Variants in C8orf89 observed in about 807,000 individuals in gnomAD.
C8orf89 encodes chromosome 8 open reading frame 89.
In C8orf89, 14 loss-of-function variants were observed where a neutral mutation model predicts 15.8. That is an observed-to-expected ratio of 0.89 (90% CI 0.59 to 1.39). The LOEUF is 1.39. Among genes scored for constraint, C8orf89 ranks in the 40% most tolerant of loss-of-function variants. The probability of loss-of-function intolerance (pLI) is 0.00; values close to 1 mark genes in which losing one functional copy is unlikely to be tolerated. For synonymous variants in C8orf89, 55 were observed against 62.2 expected, an observed-to-expected ratio of 0.88 and a Z score of 0.54; for missense variants, 181 against 184.5, an observed-to-expected ratio of 0.98 and a Z score of 0.11.
the C8orf89 span, among the ~76,000 whole-genome samples, chr8:73,269,480 A>G: frequency 7.2e-5 from 11 of 152,250 alleles, no homozygotes; most frequent in African/African-American, 2.7e-4. Context: ...AAAACTTTGA[A>G]CATTCATTAT....
In C8orf89 at chr8:73,250,289, G is replaced by T. The variant is rs1563531021; in HGVS notation, c.316C>A (p.Pro106Thr). 2 of 1,533,420 alleles carry T rather than the reference G, an allele frequency of 1.3e-6. No homozygotes were observed. Among genetic ancestry groups the T allele is most frequent in the Non-Finnish European group, 1.7e-6 (2 of 1,145,014 alleles). The allele number at this position is 1,533,420 out of a possible 1,614,324, so 95.0% of individuals were successfully genotyped here. A position where few individuals can be genotyped will look rare whatever the true frequency, so the allele number is the denominator to read the frequency against. ...KKTKETCSVA[P>T]LWEKSKGSGF... ...TTACCTTTTGATTTCTCCCAAAGTG[G>T]TGCCACACTGCATGTCTCCTTAGTC... is the stretch of plus-strand genomic sequence containing the variant. Residue 106 changes from proline to threonine, a missense_variant, in exon 3 of 4, where the codon CCA becomes ACA. Pro to Thr is a conservative substitution (Grantham distance 38). Transcript: ENST00000624510.
At chr8:73,277,604 T>C in the C8orf89 span, 2 of 762,228 alleles carry the variant, frequency 2.6e-6, no homozygotes, top group Non-Finnish European at 2.4e-6. Context: ...ATAAACATCA[T>C]CTTCTGCCTT....
intron 2 of C8orf89, 29 bp from the exon 3 acceptor site, chr8:73,250,352 C>G (rs1813221307): frequency 7.5e-7 from 1 of 1,337,540 alleles, no homozygotes; most frequent in Admixed American, 2.0e-5. Context: ...CATAAAATTA[C>G]TTACATATAA....
chr8:73,260,721 T>C (rs1813509664), upstream of C8orf89, among the ~76,000 whole-genome samples: 1 of 152,026 alleles, frequency 6.6e-6, no homozygotes, highest in South Asian at 2.1e-4. Context: ...AGGATATGGC[T>C]CCCAGCAGAG....
the C8orf89 span, among the ~76,000 whole-genome samples, chr8:73,276,805 A>ATTTTTTTTTTTTTT: frequency 1.1e-5 from 1 of 87,640 alleles, no homozygotes; most frequent in African/African-American, 4.2e-5. Context: ...CACAGCAGTC[A>ATTTTTTTTTTTTTT]TTTTTTTTTT....
intron 1 of C8orf89, among the ~76,000 whole-genome samples, chr8:73,257,340 G>GAA (rs1347497644): frequency 6.6e-6 from 1 of 152,226 alleles, no homozygotes; most frequent in African/African-American, 2.4e-5. Context: ...ATTAAGAGTG[G>GAA]AATAAGGAAA....
chr8:73,253,034 T>G (rs1044257765), intron 2 of C8orf89, among the ~76,000 whole-genome samples: 4 of 152,088 alleles, frequency 2.6e-5, no homozygotes, highest in African/African-American at 7.2e-5. Flanking sequence ...TCCCAGCTAC[T>G]CCAGAGGCTG....
intron 2 of C8orf89, 121 bp downstream of exon 2, chr8:73,256,852 T>TAA (rs34481187): frequency 5.4e-3 from 2,468 of 458,566 alleles, no homozygotes; most frequent in Non-Finnish European, 6.3e-3. Context: ...ATCCTTTATG[T>TAA]AAAAAAAAAA....
At chr8:73,244,479 A>G (rs1036217220) in intron 3 of C8orf89, among the ~76,000 whole-genome samples, 1 of 152,244 alleles carries the variant, frequency 6.6e-6, no homozygotes, top group African/African-American at 2.4e-5. Flanking sequence ...ACCTCTCTAT[A>G]TACAATATAC....
chr8:73,258,080 G>A (rs1454099101), intron 1 of C8orf89, among the ~76,000 whole-genome samples: 2 of 152,168 alleles, frequency 1.3e-5, no homozygotes, highest in African/African-American at 4.8e-5. Flanking sequence ...CAAAGCCAAA[G>A]AGGGATAAAT....
At chr8:73,270,251 T>G in the C8orf89 span, among the ~76,000 whole-genome samples, 1 of 152,184 alleles carries the variant, frequency 6.6e-6, no homozygotes, top group Non-Finnish European at 1.5e-5. Context: ...CATCTAAAAA[T>G]AAGCAAGGAG....
At chr8:73,280,716 T>C in the C8orf89 span, among the ~76,000 whole-genome samples, 11 of 149,538 alleles carry the variant, frequency 7.4e-5, no homozygotes, top group African/African-American at 2.2e-4. Context: ...CATATATATA[T>C]ACACATATAT....
chr8:73,258,256 CA>C (rs1813445874), intron 1 of C8orf89, among the ~76,000 whole-genome samples: 1 of 151,752 alleles, frequency 6.6e-6, no homozygotes, highest in Non-Finnish European at 1.5e-5. Flanking sequence ...CTAAAAATAA[CA>C]AAAATCTGCT....
intron 2 of C8orf89, among the ~76,000 whole-genome samples, chr8:73,252,870 G>A (rs575496548): frequency 6.6e-6 from 1 of 152,246 alleles, no homozygotes; most frequent in Admixed American, 6.5e-5. Flanking sequence ...GGCCGGGCAC[G>A]GTGGCTCACG....
At chr8:73,284,179 T>C in the C8orf89 span, among the ~76,000 whole-genome samples, 2 of 150,168 alleles carry the variant, frequency 1.3e-5, no homozygotes, top group East Asian at 3.9e-4. Context: ...CAGACCTAAG[T>C]AAACTGATAT....
chr8:73,283,223 G>A, the C8orf89 span, among the ~76,000 whole-genome samples: 187 of 152,332 alleles, frequency 1.2e-3, 1 homozygote, highest in African/African-American at 4.2e-3. Flanking sequence ...ATCATAGGAA[G>A]CATTGGACCA....
intron 2 of C8orf89, among the ~76,000 whole-genome samples, chr8:73,252,005 C>A (rs1018722726): frequency 6.6e-6 from 1 of 152,162 alleles, no homozygotes; most frequent in African/African-American, 2.4e-5. Flanking sequence ...AACGGTCCCT[C>A]TTTTTTCTGC....
chr8:73,256,601 G>T (rs921963734), intron 2 of C8orf89, among the ~76,000 whole-genome samples: 10 of 151,394 alleles, frequency 6.6e-5, no homozygotes, highest in African/African-American at 9.7e-5. Flanking sequence ...GGTGGCGGGC[G>T]CCTGTAATCC....
At chr8:73,256,894 G>A (rs1586166655) in intron 2 of C8orf89, 79 bp downstream of exon 2, 1 of 926,520 alleles carries the variant, frequency 1.1e-6, no homozygotes, top group African/African-American at 1.7e-5. Context: ...GCAATTCACT[G>A]ACCAGAAAAA....
Sources: gnomAD v4.1 joint callset for allele counts (sites outside exome capture counted in the v4.1 genomes callset) on GRCh38, gnomAD v4.1.1 for gene constraint, MANE v1.5 for transcripts, NCBI Gene and HGNC (gene_info 2026-07-23, HGNC 2026-07-21) for gene names.